Variants in CADM2 observed in about 807,000 individuals in gnomAD.
CADM2 encodes immunoglobulin superfamily member 4D.
A neutral mutation model predicts 49.8 loss-of-function variants in CADM2; 12 were observed. The ratio of observed to expected loss-of-function variants is 0.24; its 90% CI spans 0.15 to 0.39. The LOEUF is 0.39. CADM2 is among the 10% of genes least tolerant of loss of function. The pLI is 1.00. For synonymous variants in CADM2, 214 were observed against 175.4 expected, an observed-to-expected ratio of 1.22 and a Z score of -1.74; for missense variants, 378 against 492.3, an observed-to-expected ratio of 0.77 and a Z score of 2.20.
intron 1 of CADM2, among the ~76,000 whole-genome samples, chr3:85,509,845 T>G (rs2106830382): frequency 6.6e-6 from 1 of 152,118 alleles, no homozygotes; most frequent in African/African-American, 2.4e-5. Context: ...CTCTATCCAT[T>G]TAAAGTAGCA....
chr3:85,605,095 T>C (rs551117265), intron 1 of CADM2, among the ~76,000 whole-genome samples: 2 of 152,148 alleles, frequency 1.3e-5, no homozygotes, highest in African/African-American at 4.8e-5. Context: ...AATTTCAAAT[T>C]AATGAGGGCA....
At chr3:85,482,238 G>A (rs545571636) in intron 1 of CADM2, among the ~76,000 whole-genome samples, 3 of 151,768 alleles carry the variant, frequency 2.0e-5, no homozygotes, top group South Asian at 2.1e-4. Context: ...CTACTCTAGC[G>A]TGACCTTTAT....
At chr3:85,351,384 G>A (rs906622904) in intron 1 of CADM2, among the ~76,000 whole-genome samples, 16 of 152,112 alleles carry the variant, frequency 1.1e-4, no homozygotes, top group Admixed American at 2.6e-4. Flanking sequence ...TAGGCATAAC[G>A]TATAATTAAA....
chr3:84,991,498 C>T (rs6768455), intron 1 of CADM2, among the ~76,000 whole-genome samples: 64,326 of 151,900 alleles, frequency 0.42, 13,907 homozygotes, highest in African/African-American at 0.48. Flanking sequence ...ATAACAAATC[C>T]TAGGAAAAAA....
chr3:85,825,464 C>G (rs188982440), intron 3 of CADM2, among the ~76,000 whole-genome samples: 9 of 152,162 alleles, frequency 5.9e-5, no homozygotes, highest in Admixed American at 5.9e-4. Context: ...CTACAATATG[C>G]TGCCATTGCC....
At chr3:85,310,912 A>G (rs2044326020) in intron 1 of CADM2, among the ~76,000 whole-genome samples, 1 of 152,168 alleles carries the variant, frequency 6.6e-6, no homozygotes, top group Non-Finnish European at 1.5e-5. Flanking sequence ...TATTGTTCTC[A>G]TAATGAAGGG....
At chr3:85,212,556 G>A (rs181253999) in intron 1 of CADM2, among the ~76,000 whole-genome samples, 1 of 152,150 alleles carries the variant, frequency 6.6e-6, no homozygotes, top group East Asian at 1.9e-4. Context: ...AAACAAATAA[G>A]CAAAGAGGAA....
intron 8 of CADM2, among the ~76,000 whole-genome samples, chr3:86,050,482 G>T (rs1737204450): frequency 6.6e-6 from 1 of 152,192 alleles, no homozygotes; most frequent in African/African-American, 2.4e-5. Context: ...CCACTAGGCA[G>T]TGCCCCAGTG....
chr3:85,784,408 A>T (rs77066044), intron 2 of CADM2, among the ~76,000 whole-genome samples: 1 of 151,870 alleles, frequency 6.6e-6, no homozygotes, highest in African/African-American at 2.4e-5. Context: ...TGCAGTTGAA[A>T]TTTTTTAATG....
chr3:85,826,398 A>G (rs1428117507), intron 3 of CADM2, among the ~76,000 whole-genome samples: 1 of 152,096 alleles, frequency 6.6e-6, no homozygotes, highest in Non-Finnish European at 1.5e-5. Context: ...TCACATTTCA[A>G]TCATTAAAAT....
At chr3:85,700,661 T>C (rs2066726535) in intron 1 of CADM2, among the ~76,000 whole-genome samples, 1 of 152,182 alleles carries the variant, frequency 6.6e-6, no homozygotes, top group African/African-American at 2.4e-5. Flanking sequence ...TCCTTAGGGT[T>C]GGGCACAATG....
At chr3:85,212,858 CTT>C (rs1403271352) in intron 1 of CADM2, among the ~76,000 whole-genome samples, 5 of 123,514 alleles carry the variant, frequency 4.0e-5, no homozygotes, top group Non-Finnish European at 8.2e-5. Context: ...TTCTTTCTTT[CTT>C]TCTTTCTTTC....
intron 1 of CADM2, among the ~76,000 whole-genome samples, chr3:85,544,659 G>C (rs770779065): frequency 1.3e-5 from 2 of 152,112 alleles, no homozygotes; most frequent in Non-Finnish European, 2.9e-5. Flanking sequence ...AGAAGCCCAA[G>C]CAAAACATCA....
In CADM2 at chr3:85,116,461, C is replaced by T. The variant is rs369747248; in HGVS notation, c.61+156793C>T. On this transcript the variant is annotated intron_variant, in intron 1 of 9. Coordinates refer to ENST00000383699, the MANE Select transcript of CADM2 (RefSeq NM_001167675.2). ...AATTAAAATAATAAGCTTCAAGTTCCTGAGTTATCAAAGGTAAGTTAGCGT... is the reference window on the plus strand; with the variant it reads ...AATTAAAATAATAAGCTTCAAGTTCTTGAGTTATCAAAGGTAAGTTAGCGT... Among the ~76,000 whole-genome samples, 14 of 152,090 alleles carry T rather than the reference C, an allele frequency of 9.2e-5. No individual in the cohort carries two copies. In the South Asian group the frequency reaches 2.5e-3, roughly 27 times the overall value.
intron 1 of CADM2, among the ~76,000 whole-genome samples, chr3:85,318,796 C>G (rs879743898): frequency 6.6e-6 from 1 of 152,068 alleles, no homozygotes; most frequent in Non-Finnish European, 1.5e-5. Flanking sequence ...ATGCAGAGTG[C>G]TAATTTAGCA....
intron 2 of CADM2, among the ~76,000 whole-genome samples, chr3:85,777,586 G>A (rs9852127): frequency 0.15 from 22,495 of 152,072 alleles, 2,052 homozygotes; most frequent in Non-Finnish European, 0.2. Context: ...TTCATGGTTG[G>A]TTCTTCTGCT....
rs1345692475 is a variant in CADM2 at position 85,082,611 on chromosome 3, G to C, written c.61+122943G>C. 2.0e-5 allele frequency among the ~76,000 whole-genome samples: 3 copies of C among 152,222 alleles called. No individual in the cohort carries two copies. The East Asian group carries it at 5.8e-4, about 29-fold the overall frequency. On this transcript the variant is annotated intron_variant, in intron 1 of 9. Transcript: ENST00000383699. Reference sequence around the variant, plus strand: ...ATTTCTTGACCTGTGACATAGAAGTGACTTGATAACTAGGTGCCGGGGTGC... The same window carrying C: ...ATTTCTTGACCTGTGACATAGAAGTCACTTGATAACTAGGTGCCGGGGTGC...
chr3:85,137,538 TTACTC>T (rs1223204730), intron 1 of CADM2, among the ~76,000 whole-genome samples: 3 of 152,138 alleles, frequency 2.0e-5, no homozygotes, highest in South Asian at 2.1e-4. Context: ...TTACAAATAT[TTACTC>T]TACATCTTGG....
intron 3 of CADM2, among the ~76,000 whole-genome samples, chr3:85,861,364 G>A (rs2108322934): frequency 6.6e-6 from 1 of 152,278 alleles, no homozygotes; most frequent in African/African-American, 2.4e-5. Context: ...TTAGATGTAG[G>A]ATTTGAGAGA....
Sources: allele counts gnomAD v4.1 joint callset (sites outside exome capture counted in the v4.1 genomes callset), GRCh38; gene constraint gnomAD v4.1.1; transcripts MANE v1.5; gene names NCBI Gene and HGNC (gene_info 2026-07-23, HGNC 2026-07-21).